NARS2: variants seen among roughly 807,000 people sequenced by gnomAD.
The protein encoded by NARS2 is asparaginyl-tRNA synthetase.
Under a neutral mutation model 62.9 loss-of-function variants are expected in NARS2, and 60 were observed. The observed-to-expected ratio is 0.95, with a 90% CI of 0.77 to 1.18. NARS2 has a LOEUF of 1.18. NARS2 is among the 50% of genes most tolerant of loss of function. NARS2 has a pLI of 0.00. For synonymous variants in NARS2, 196 were observed against 200.0 expected (o/e 0.98, Z 0.17); for missense variants, 619 against 576.4 (o/e 1.07, Z -0.76).
At chr11:78,556,807 A>C (rs1166826364) in intron 5 of NARS2, among the ~76,000 whole-genome samples, 2 of 152,216 alleles carry the variant, frequency 1.3e-5, no homozygotes, top group African/African-American at 2.4e-5. Context: ...TAAAGACCAA[A>C]CCTAATTTTG....
intron 2 of NARS2, among the ~76,000 whole-genome samples, chr11:78,569,930 T>C (rs367588247): frequency 6.6e-6 from 1 of 152,202 alleles, no homozygotes; most frequent in South Asian, 2.1e-4. Flanking sequence ...GGCTCATGCC[T>C]GTAATCCCAG....
chr11:78,547,803 T>G (rs1418169782), intron 5 of NARS2, among the ~76,000 whole-genome samples: 1 of 152,220 alleles, frequency 6.6e-6, no homozygotes, highest in East Asian at 1.9e-4. Context: ...AAAATAATAA[T>G]AAGTATTTAA....
chr11:78,529,207 A>C (rs1327446099), intron 5 of NARS2, among the ~76,000 whole-genome samples: 1 of 152,204 alleles, frequency 6.6e-6, no homozygotes, highest in Admixed American at 6.5e-5. Context: ...TCCCCCTAAA[A>C]AGTGATTCTG....
At chr11:78,538,502 G>A (rs1855462749) in intron 5 of NARS2, among the ~76,000 whole-genome samples, 1 of 152,110 alleles carries the variant, frequency 6.6e-6, no homozygotes, top group South Asian at 2.1e-4. Flanking sequence ...ACTGGGGTAT[G>A]GGAAGGGCTC....
intron 6 of NARS2, among the ~76,000 whole-genome samples, chr11:78,498,030 G>A (rs900057257): frequency 3.3e-5 from 5 of 152,036 alleles, no homozygotes; most frequent in African/African-American, 1.2e-4. Flanking sequence ...CCTGCTAAAG[G>A]GGGAGGAAGG....
Position 78,574,355 on chromosome 11 carries a change from T to A in NARS2, c.134A>T (p.Lys45Met). ...GAQNASGERIKIQGWIRSVRS... is the reference protein window; with the variant it reads ...GAQNASGERIMIQGWIRSVRS... Reference sequence around the variant, plus strand: ...CCCTTCCCATTCACCAACCTGGATCTTAATGCGCTCCCCACTCGCGTTCTG... The same window carrying A: ...CCCTTCCCATTCACCAACCTGGATCATAATGCGCTCCCCACTCGCGTTCTG... Residue 45 changes from lysine to methionine, a missense_variant, in exon 1 of 14, where the codon AAG (lysine) becomes ATG (methionine). Physicochemically the swap from Lys to Met is moderately conservative, Grantham distance 95. Coordinates refer to ENST00000281038, the MANE Select transcript of NARS2 (RefSeq NM_024678.6). The A allele has an allele frequency of 1.9e-6, 3 of 1,614,214 alleles. No homozygotes were observed. The highest frequency in any genetic ancestry group is 2.5e-6 in the Non-Finnish European group (3 of 1,180,030).
rs547452756 is a variant in NARS2, at chr11:78,457,369, C to A, written c.1164+8507G>T. Among the ~76,000 whole-genome samples the A allele has an allele frequency of 1.5e-4, 23 of 152,260 alleles. No homozygotes were observed. In the South Asian group the frequency reaches 4.8e-3, roughly 32 times the overall value. The stretch of plus-strand genomic sequence containing the variant: ...TTTCAAGACTGCACTGCATCCATTA[C>A]AGGAACTCTTGCGAACTTACAGCCA... On this transcript the variant is annotated intron_variant, in intron 11 of 13. Transcript: ENST00000281038.
chr11:78,504,434 G>GTTTTTT (rs758781275), intron 6 of NARS2, among the ~76,000 whole-genome samples: 1 of 61,402 alleles, frequency 1.6e-5, no homozygotes. Flanking sequence ...CAAAACACCA[G>GTTTTTT]TTTTTTTTTT....
At chr11:78,543,487 G>C (rs2135467798) in intron 5 of NARS2, among the ~76,000 whole-genome samples, 1 of 152,234 alleles carries the variant, frequency 6.6e-6, no homozygotes, top group East Asian at 1.9e-4. Flanking sequence ...CTAATGTCCA[G>C]ACTAGCAACA....
At chr11:78,450,913 C>G (rs1857949869) in intron 11 of NARS2, among the ~76,000 whole-genome samples, 1 of 152,064 alleles carries the variant, frequency 6.6e-6, no homozygotes, top group Non-Finnish European at 1.5e-5. Flanking sequence ...AACTCCTGAC[C>G]TCAAGTGATC....
At chr11:78,494,137 T>C (rs34323704) in intron 6 of NARS2, among the ~76,000 whole-genome samples, 42 of 152,146 alleles carry the variant, frequency 2.8e-4, no homozygotes, top group Non-Finnish European at 5.7e-4. Flanking sequence ...AGCTCAACCA[T>C]CCAAATGGGG....
rs185231228 is a variant in NARS2 at position 78,544,702 on chromosome 11, G to A, written c.594+14837C>T. ...CCAGCTACTCGGGAGGCTGAGGCAG[G>A]AGAACGGCGTGAACCTGGGAGACGG... On this transcript the variant is annotated intron_variant, in intron 5 of 13. Transcript: ENST00000281038. 4.7e-5 allele frequency among the ~76,000 whole-genome samples: 7 copies of A among 150,496 alleles called. No individual in the cohort carries two copies. The East Asian group carries it at 1.4e-3, about 29-fold the overall frequency.
intron 9 of NARS2, 112 bp from the exon 10 acceptor site, chr11:78,469,425 T>A: frequency 2.7e-6 from 2 of 735,414 alleles, no homozygotes; most frequent in Non-Finnish European, 2.4e-6. Flanking sequence ...AGGTCATGAA[T>A]AATCAGGAAT....
intron 6 of NARS2, 122 bp downstream of exon 6, chr11:78,528,720 G>T: frequency 1.5e-6 from 1 of 660,696 alleles, no homozygotes; most frequent in Admixed American, 3.2e-5. Flanking sequence ...TAAATATTTT[G>T]GAAAATTCAA....
chr11:78,478,732 A>G, intron 7 of NARS2, 49 bp from the exon 8 acceptor site: 1 of 1,235,256 alleles, frequency 8.1e-7, no homozygotes, highest in South Asian at 1.4e-5. Flanking sequence ...ATTTTACATG[A>G]AAAACCTGTT....
chr11:78,484,995 G>T (rs1042842714), intron 7 of NARS2, among the ~76,000 whole-genome samples: 1 of 152,296 alleles, frequency 6.6e-6, no homozygotes, highest in African/African-American at 2.4e-5. Context: ...ATGCCCATCA[G>T]TGATAGACTG....
intron 7 of NARS2, among the ~76,000 whole-genome samples, chr11:78,491,112 C>T (rs1859800720): frequency 6.6e-6 from 1 of 152,238 alleles, no homozygotes; most frequent in East Asian, 1.9e-4. Context: ...CCTTCTGAAG[C>T]TCAGATCCTG....
At chr11:78,568,462 T>C (rs1049164191) in intron 3 of NARS2, among the ~76,000 whole-genome samples, 170 bp downstream of exon 3, 2 of 152,172 alleles carry the variant, frequency 1.3e-5, no homozygotes, top group African/African-American at 2.4e-5. Context: ...CACTAAGCTA[T>C]GTACATAAAT....
In NARS2 at chr11:78,574,771, G is replaced by A. The variant is rs542973292; in HGVS notation, c.-283C>T. On this transcript the variant is annotated 5_prime_UTR_variant, in exon 1 of 14. Transcript: ENST00000281038. The stretch of plus-strand genomic sequence containing the variant: ...TGGCAGCTGGGGCGCCCCACTACCC[G>A]CGACAATTGTAAACCTACGAACAGA... The A allele has an allele frequency of 5.9e-5, 25 of 424,040 alleles. No individual in the cohort carries two copies. Among genetic ancestry groups the A allele is most frequent in the East Asian group, 8.7e-5 (2 of 22,996 alleles). The allele number at this position is 424,040 out of a possible 1,614,324, so 26.3% of individuals were successfully genotyped here.
Sources: allele counts gnomAD v4.1 joint callset (sites outside exome capture counted in the v4.1 genomes callset), GRCh38; gene constraint gnomAD v4.1.1; transcripts MANE v1.5; gene names NCBI Gene and HGNC (gene_info 2026-07-23, HGNC 2026-07-21).